NIPA2: variants seen among roughly 807,000 people sequenced by gnomAD.
NIPA2 encodes the protein NIPA magnesium transporter 2.
NIPA2 carries 11 observed loss-of-function variants against 29.7 expected under a neutral mutation model. The observed-to-expected ratio is 0.37, with a 90% CI of 0.23 to 0.61. The LOEUF (loss-of-function observed/expected upper bound fraction) is 0.61, where lower values mean the gene tolerates loss of function less well. Among genes scored for constraint, NIPA2 ranks in the 20% least tolerant of loss-of-function variants. The pLI is 0.66. For synonymous variants in NIPA2, 183 were observed against 161.9 expected (o/e 1.13, Z -0.99); for missense variants, 426 against 437.9 (o/e 0.97, Z 0.24).
At chr15:22,839,026 C>G (rs1896288170) in intron 1 of NIPA2, 105 bp downstream of exon 1, 1 of 152,232 alleles carries the variant, frequency 6.6e-6, no homozygotes, top group East Asian at 1.9e-4. Context: ...ACTTTCCTTT[C>G]CGGGTGTTCT....
chr15:22,866,171 A>T, intron 7 of NIPA2, 42 bp from the exon 8 acceptor site: 1 of 1,552,548 alleles, frequency 6.4e-7, no homozygotes, highest in Non-Finnish European at 8.8e-7. Context: ...TTTAAGAACA[A>T]CCAACCATTT....
At position 22,842,213 on chromosome 15, in the gene NIPA2, T is replaced by C. The variant is rs550707961; in HGVS notation, c.-216+2423T>C. ...ACGTTGGTTGGTTGAGTAAATGATATAAGCAAGCCACATGTTCACTGGGAG... is the reference window on the plus strand; with the variant it reads ...ACGTTGGTTGGTTGAGTAAATGATACAAGCAAGCCACATGTTCACTGGGAG... On this transcript the variant is annotated intron_variant, in intron 2 of 7. Coordinates refer to ENST00000337451, the MANE Select transcript of NIPA2 (RefSeq NM_030922.7). Among the ~76,000 whole-genome samples, 46 of 152,244 alleles carry C rather than the reference T, an allele frequency of 3.0e-4. 1 individual carries two copies. Among genetic ancestry groups the C allele is most frequent in the African/African-American group, 9.4e-4 (39 of 41,528 alleles).
rs1014996695 is a variant in NIPA2, at chr15:22,860,714, G to A, written c.373G>A (p.Val125Ile). The change falls in exon 7 of 8, where the codon GTT (valine) becomes ATT (isoleucine). Residue 125 changes from valine to isoleucine, a missense_variant. Around this residue, in one of 3 missense-constraint regions of NIPA2, gnomAD observed 357 missense variants for 339.8 expected, o/e 1.05. Transcript: ENST00000337451. ...GCLLSILGSTVMVIHAPKEEE... is the reference protein window; with the variant it reads ...GCLLSILGSTIMVIHAPKEEE... ...TTTGCTAAGTATTCTAGGATCTACA[G>A]TTATGGTCATTCATGCTCCAAAGGA... 5.6e-6 allele frequency: 9 copies of A among 1,603,194 alleles called. No homozygotes were observed. The highest frequency in any genetic ancestry group is 6.8e-6 in the Non-Finnish European group (8 of 1,175,132).
chr15:22,839,032 G>A (rs927530165), intron 1 of NIPA2, 111 bp downstream of exon 1: 3 of 152,372 alleles, frequency 2.0e-5, no homozygotes, highest in African/African-American at 7.2e-5. Flanking sequence ...CTTTCCGGGT[G>A]TTCTGAAGCG....
intron 5 of NIPA2, among the ~76,000 whole-genome samples, chr15:22,854,733 T>G (rs1190882207): frequency 6.6e-6 from 1 of 151,782 alleles, no homozygotes; most frequent in African/African-American, 2.4e-5. Flanking sequence ...GGTGATAGAG[T>G]GAGACTCAGT....
At chr15:22,858,657 CAGT>C (rs1566856342) in intron 6 of NIPA2, 27 bp downstream of exon 6, 1 of 1,372,508 alleles carries the variant, frequency 7.3e-7, no homozygotes, top group East Asian at 2.4e-5. Flanking sequence ...CATGTAGAAA[CAGT>C]AGTCGGTATC....
Position 22,855,410 on chromosome 15 carries a change from T to C in NIPA2, c.196+2142T>C, listed in dbSNP as rs764061611. Among the ~76,000 whole-genome samples, 172 of 151,546 alleles carry C rather than the reference T, an allele frequency of 1.1e-3. 1 individual carries two copies. The highest frequency in any genetic ancestry group is 2.2e-3 in the Non-Finnish European group (149 of 67,910). ...CCAGCCTGGGCAACAAGAGTGAAAC[T>C]GTCTCAAAAAAAAAAAAATATTCTG... is the stretch of plus-strand genomic sequence containing the variant. On this transcript the variant is annotated intron_variant, in intron 5 of 7. Coordinates refer to ENST00000337451, the MANE Select transcript of NIPA2 (RefSeq NM_030922.7).
intron 7 of NIPA2, among the ~76,000 whole-genome samples, chr15:22,865,832 GTTTT>G (rs896757859): frequency 3.3e-5 from 5 of 152,036 alleles, no homozygotes; most frequent in Non-Finnish European, 5.9e-5. Flanking sequence ...TTGTTTTTGT[GTTTT>G]TTGTTTTTTT....
chr15:22,858,528 T>C lies in NIPA2; in HGVS notation c.197-12T>C. On this transcript the variant is annotated splice_polypyrimidine_tract_variant and intron_variant, in intron 5 of 7. Transcript: ENST00000337451. ...TCTTACCTGAGTTTTTCTTTTGTTG[T>C]CTGTCTCTAAGTGGGAGCTGGTGAG... 1.3e-6 allele frequency: 2 copies of C among 1,591,142 alleles called. No individual in the cohort carries two copies. The highest frequency in any genetic ancestry group is 1.7e-6 in the Non-Finnish European group (2 of 1,165,160).
intron 7 of NIPA2, among the ~76,000 whole-genome samples, 171 bp downstream of exon 7, chr15:22,860,960 G>C (rs1244133916): frequency 1.3e-5 from 2 of 152,110 alleles, no homozygotes; most frequent in Non-Finnish European, 2.9e-5. Flanking sequence ...TGTTTCTACT[G>C]TTCTTTAACT....
intron 3 of NIPA2, among the ~76,000 whole-genome samples, chr15:22,850,929 C>T (rs954384848): frequency 5.3e-5 from 8 of 152,200 alleles, no homozygotes; most frequent in African/African-American, 1.9e-4. Flanking sequence ...GCTATCCACA[C>T]TGTGCTTTAG....
intron 7 of NIPA2, among the ~76,000 whole-genome samples, 156 bp downstream of exon 7, chr15:22,860,945 G>A (rs2058577410): frequency 6.6e-6 from 1 of 152,128 alleles, no homozygotes; most frequent in Non-Finnish European, 1.5e-5. Context: ...TCAATCCCAA[G>A]CCTGTGTTTC....
chr15:22,860,845 C>T, intron 7 of NIPA2, 56 bp downstream of exon 7: 1 of 1,365,616 alleles, frequency 7.3e-7, no homozygotes. Context: ...TTAGTTTTTA[C>T]TTTAATCGAA....
chr15:22,847,435 A>C (rs1899068834), intron 3 of NIPA2, among the ~76,000 whole-genome samples: 1 of 152,102 alleles, frequency 6.6e-6, no homozygotes, highest in Non-Finnish European at 1.5e-5. Context: ...ACATTGCTTC[A>C]TGAAGACAAA....
chr15:22,849,500 T>C (rs2057553691), intron 3 of NIPA2, among the ~76,000 whole-genome samples: 1 of 152,096 alleles, frequency 6.6e-6, no homozygotes, highest in Admixed American at 6.5e-5. Flanking sequence ...CATGAGATTA[T>C]GACTGATACT....
At chr15:22,865,723 A>G (rs530764089) in intron 7 of NIPA2, among the ~76,000 whole-genome samples, 3 of 152,296 alleles carry the variant, frequency 2.0e-5, no homozygotes. Flanking sequence ...GAACCCCAGT[A>G]GTATCTTTCA....
At chr15:22,853,728 T>TAC (rs1163551100) in intron 5 of NIPA2, among the ~76,000 whole-genome samples, 3 of 152,080 alleles carry the variant, frequency 2.0e-5, no homozygotes, top group Non-Finnish European at 4.4e-5. Context: ...GTACATGAGA[T>TAC]ACTTTAATAA....
At chr15:22,853,331 T>C (rs1406391307) in intron 5 of NIPA2, 63 bp downstream of exon 5, 4 of 1,011,502 alleles carry the variant, frequency 4.0e-6, no homozygotes, top group Non-Finnish European at 6.0e-6. Context: ...TTGCATATGG[T>C]ATTATAGCCT....
At chr15:22,853,012 C>A (rs376168354) in intron 4 of NIPA2, among the ~76,000 whole-genome samples, 200 bp from the exon 5 acceptor site, 1 of 152,140 alleles carries the variant, frequency 6.6e-6, no homozygotes, top group Non-Finnish European at 1.5e-5. Context: ...TCTCACTGTT[C>A]ATGACGGGTA....
Sources: gnomAD v4.1 joint callset for allele counts (sites outside exome capture counted in the v4.1 genomes callset) on GRCh38, gnomAD v4.1.1 for gene constraint, gnomAD v4.1.1 regional missense constraint, MANE v1.5 for transcripts, NCBI Gene and HGNC (gene_info 2026-07-23, HGNC 2026-07-21) for gene names.